ZMAT4: variants seen among roughly 807,000 people sequenced by gnomAD.
The protein encoded by ZMAT4 is zinc finger matrin-type protein 4.
In ZMAT4, 17 loss-of-function variants were observed where a neutral mutation model predicts 28.7. The observed-to-expected ratio is 0.59, with a 90% confidence interval of 0.41 to 0.89. The LOEUF (loss-of-function observed/expected upper bound fraction) is 0.89, where lower values mean the gene tolerates loss of function less well. Among genes scored for constraint, ZMAT4 ranks in the 40% least tolerant of loss-of-function variants. ZMAT4 has a pLI of 0.00. For synonymous variants in ZMAT4, 117 were observed against 109.2 expected, an observed-to-expected ratio of 1.07 and a Z score of -0.44; for missense variants, 240 against 283.8, an observed-to-expected ratio of 0.85 and a Z score of 1.11.
At chr8:40,818,708 C>T (rs1246788146) in intron 2 of ZMAT4, among the ~76,000 whole-genome samples, 1 of 152,198 alleles carries the variant, frequency 6.6e-6, no homozygotes, top group Non-Finnish European at 1.5e-5. Context: ...GCCTAGCAGG[C>T]CCCGACAGTA....
chr8:40,680,937 A>T (rs935158475), intron 4 of ZMAT4, among the ~76,000 whole-genome samples: 1 of 152,174 alleles, frequency 6.6e-6, no homozygotes, highest in Admixed American at 6.5e-5. Flanking sequence ...GCCAGAATTT[A>T]TTCATTTTAA....
chr8:40,781,488 C>T (rs536822095), intron 2 of ZMAT4, among the ~76,000 whole-genome samples: 4 of 152,142 alleles, frequency 2.6e-5, no homozygotes, highest in South Asian at 2.1e-4. Context: ...TAAGGCCGGG[C>T]GCGGTGGCTC....
At chr8:40,710,216 T>A (rs985115000) in intron 3 of ZMAT4, among the ~76,000 whole-genome samples, 1 of 152,146 alleles carries the variant, frequency 6.6e-6, no homozygotes, top group East Asian at 1.9e-4. Context: ...GGGGAGAATA[T>A]GTGCTGCAAT....
In ZMAT4 at chr8:40,706,283, T is replaced by C. The variant is rs1411561224; in HGVS notation, c.193-8882A>G. 2.6e-5 allele frequency among the ~76,000 whole-genome samples: 4 copies of C among 152,264 alleles called. No homozygotes were observed. The East Asian group carries it at 7.7e-4, about 29-fold the overall frequency. The stretch of plus-strand genomic sequence containing the variant: ...GTTAGACAGGATGGTCTCAATCTCC[T>C]GACCCCGTGATCCACCCACCTCAGC... On this transcript the variant is annotated intron_variant, in intron 3 of 6. Coordinates refer to ENST00000297737, the MANE Select transcript of ZMAT4 (RefSeq NM_024645.3).
chr8:40,670,824 T>C (rs1229693419), intron 5 of ZMAT4, among the ~76,000 whole-genome samples: 1 of 152,108 alleles, frequency 6.6e-6, no homozygotes, highest in Non-Finnish European at 1.5e-5. Context: ...ATCCCAGCAC[T>C]TTGGGAGGCC....
At chr8:40,762,324 G>A (rs534954160) in intron 3 of ZMAT4, among the ~76,000 whole-genome samples, 1 of 152,258 alleles carries the variant, frequency 6.6e-6, no homozygotes, top group Admixed American at 6.5e-5. Context: ...AGTTATTGGT[G>A]TCCTTATAAG....
At chr8:40,748,266 T>C (rs2150543864) in intron 3 of ZMAT4, among the ~76,000 whole-genome samples, 1 of 152,284 alleles carries the variant, frequency 6.6e-6, no homozygotes, top group Middle Eastern at 3.4e-3. Flanking sequence ...CTATACGGAG[T>C]CACAGATCAA....
intron 2 of ZMAT4, among the ~76,000 whole-genome samples, chr8:40,797,023 C>G (rs1390341994): frequency 6.6e-6 from 1 of 152,196 alleles, no homozygotes; most frequent in African/African-American, 2.4e-5. Context: ...TTTCCAGACT[C>G]ACTCCCCTCA....
intron 1 of ZMAT4, among the ~76,000 whole-genome samples, chr8:40,859,674 C>T (rs1448013395): frequency 6.6e-5 from 10 of 152,118 alleles, no homozygotes; most frequent in Non-Finnish European, 1.0e-4. Context: ...TGTGTGTGCA[C>T]GTGAGAGATG....
intron 2 of ZMAT4, among the ~76,000 whole-genome samples, chr8:40,812,998 T>A (rs1815388898): frequency 6.7e-6 from 1 of 149,720 alleles, no homozygotes; most frequent in African/African-American, 2.5e-5. Flanking sequence ...AAAATAAAAA[T>A]ATATATATGC....
chr8:40,681,384 T>G (rs1176000295), intron 4 of ZMAT4, among the ~76,000 whole-genome samples: 1 of 152,262 alleles, frequency 6.6e-6, no homozygotes, highest in East Asian at 1.9e-4. Flanking sequence ...GCCTTTATTT[T>G]TTTCCTACCC....
intron 6 of ZMAT4, among the ~76,000 whole-genome samples, chr8:40,548,632 G>A (rs1024039728): frequency 6.6e-6 from 1 of 152,148 alleles, no homozygotes; most frequent in Non-Finnish European, 1.5e-5. Flanking sequence ...TCTCACCATC[G>A]CTCATAAGAG....
chr8:40,855,106 TC>T lies in ZMAT4; in HGVS notation c.-4-29427del, dbSNP rs1817250138. ...CAGTGGCATTCACGGGTTTTTGCAA[TC>T]CCCCGCTGTTTGTGTTCATTTCAAA... On this transcript the variant is annotated intron_variant, in intron 1 of 6. Coordinates refer to ENST00000297737, the MANE Select transcript of ZMAT4 (RefSeq NM_024645.3). Among the ~76,000 whole-genome samples, 4 of 152,244 alleles carry T rather than the reference TC, an allele frequency of 2.6e-5. No homozygotes were observed. The South Asian group carries it at 8.3e-4, about 32-fold the overall frequency.
At chr8:40,691,534 A>G (rs1809663190) in intron 4 of ZMAT4, among the ~76,000 whole-genome samples, 1 of 152,138 alleles carries the variant, frequency 6.6e-6, no homozygotes, top group Non-Finnish European at 1.5e-5. Flanking sequence ...ACAATTCCAC[A>G]CATGTCTGGG....
intron 6 of ZMAT4, among the ~76,000 whole-genome samples, chr8:40,565,103 T>A (rs1803872510): frequency 6.6e-6 from 1 of 152,170 alleles, no homozygotes; most frequent in Non-Finnish European, 1.5e-5. Flanking sequence ...CAGATTGATG[T>A]CTCTAATCAT....
chr8:40,887,076 T>C (rs1257437149), intron 1 of ZMAT4, among the ~76,000 whole-genome samples: 2 of 135,930 alleles, frequency 1.5e-5, no homozygotes, highest in Admixed American at 8.1e-5. Context: ...GAGGCTGAGG[T>C]GGGAGAATGG....
In ZMAT4 at chr8:40,544,460, A is replaced by G. The variant is rs147330822; in HGVS notation, c.675-12222T>C. On this transcript the variant is annotated intron_variant, in intron 6 of 6. Transcript: ENST00000297737. ...GTCTCACAAAGAGCCTTTTAAAGAG[A>G]TGAAAGGTGTGTCTTACCGATTGTC... is the stretch of plus-strand genomic sequence containing the variant. Among the ~76,000 whole-genome samples the G allele has an allele frequency of 1.3e-4, 20 of 152,276 alleles. 1 individual carries two copies. The East Asian group carries it at 3.9e-3, about 29-fold the overall frequency.
intron 5 of ZMAT4, among the ~76,000 whole-genome samples, chr8:40,601,518 A>G: frequency 6.8e-6 from 1 of 147,510 alleles, no homozygotes; most frequent in Non-Finnish European, 1.5e-5. Flanking sequence ...AGAGAAAGAG[A>G]AAGAAAGAGG....
At chr8:40,628,225 TAGAG>T (rs1304853093) in intron 5 of ZMAT4, among the ~76,000 whole-genome samples, 1 of 152,078 alleles carries the variant, frequency 6.6e-6, no homozygotes. Flanking sequence ...TTATTGAAGA[TAGAG>T]AGACATATTG....
Sources: allele counts gnomAD v4.1 joint callset (sites outside exome capture counted in the v4.1 genomes callset), GRCh38; gene constraint gnomAD v4.1.1; transcripts MANE v1.5; gene names NCBI Gene and HGNC (gene_info 2026-07-23, HGNC 2026-07-21).